YME1L1: variants seen among roughly 807,000 people sequenced by gnomAD.
YME1L1 encodes ATP-dependent zinc metalloprotease YME1L1.
In YME1L1, 39 loss-of-function variants were observed where a neutral mutation model predicts 90.4. The observed-to-expected ratio is 0.43, with a 90% CI of 0.33 to 0.56. The LOEUF (loss-of-function observed/expected upper bound fraction) is 0.56. Among genes scored for constraint, YME1L1 ranks in the 20% least tolerant of loss-of-function variants. The pLI is 0.03. For synonymous variants in YME1L1, 284 were observed against 287.3 expected, an observed-to-expected ratio of 0.99 and a Z score of 0.12; for missense variants, 617 against 868.4, an observed-to-expected ratio of 0.71 and a Z score of 3.64.
intron 7 of YME1L1, 60 bp downstream of exon 7, chr10:27,133,979 A>T: frequency 8.3e-7 from 1 of 1,200,992 alleles, no homozygotes; most frequent in East Asian, 2.4e-5. Flanking sequence ...TTAGGCATTA[A>T]AAGGAATCAT....
intron 2 of YME1L1, chr10:27,147,017 C>T: frequency 4.7e-6 from 1 of 214,178 alleles, no homozygotes; most frequent in South Asian, 1.1e-4. Flanking sequence ...TAAAAATGAT[C>T]AAGGCGGCTT....
At chr10:27,116,476 G>A (rs2056814667) in intron 15 of YME1L1, 131 bp from the exon 16 acceptor site, 3 of 884,826 alleles carry the variant, frequency 3.4e-6, no homozygotes, top group Admixed American at 2.9e-5. Flanking sequence ...AGACCAGCCT[G>A]ACCAACATGG....
chr10:27,128,794 A>G (rs1490434679), intron 8 of YME1L1, among the ~76,000 whole-genome samples: 1 of 152,084 alleles, frequency 6.6e-6, no homozygotes, highest in African/African-American at 2.4e-5. Flanking sequence ...CTGTAGTCCT[A>G]GCTACCTGAG....
chr10:27,153,075 T>C (rs2057245528), intron 1 of YME1L1, among the ~76,000 whole-genome samples: 1 of 152,232 alleles, frequency 6.6e-6, no homozygotes, highest in South Asian at 2.1e-4. Flanking sequence ...CTTATTTTTG[T>C]TCCTTCAACC....
rs2056757612 is a variant in YME1L1, at chr10:27,111,416, A to T, written c.*561T>A. The T allele has an allele frequency of 6.2e-6, 1 of 160,702 alleles. No homozygotes were observed. Among genetic ancestry groups the T allele is most frequent in the Non-Finnish European group, 1.3e-5 (1 of 74,230 alleles). The allele number at this position is 160,702 out of a possible 1,614,324, so 10.0% of individuals were successfully genotyped here. Reference sequence around the variant, plus strand: ...ACCACGTTGGCCAGGCTGGTCTCGAACTCCTGGCCTCAAGCAATCCACCCG... The same window carrying T: ...ACCACGTTGGCCAGGCTGGTCTCGATCTCCTGGCCTCAAGCAATCCACCCG... On this transcript the variant is annotated 3_prime_UTR_variant, in exon 19 of 19. Transcript: ENST00000376016.
Position 27,135,813 on chromosome 10 carries a change from G to A in YME1L1, c.540+463C>T, listed in dbSNP as rs117716448. On this transcript the variant is annotated intron_variant, in intron 5 of 18. Transcript: ENST00000376016. ...TTGATGGGTGGCAGTCTGGAGGCTG[G>A]ACTGAACGCAGCAAGACTAGAGGCA... Among the ~76,000 whole-genome samples, 240 of 152,302 alleles carry A rather than the reference G, an allele frequency of 1.6e-3. 2 individuals are homozygous for A. The highest frequency in any genetic ancestry group is 3.4e-3 in the Middle Eastern group (1 of 294).
At chr10:27,131,768 T>G (rs1361557727) in intron 8 of YME1L1, 91 bp downstream of exon 8, 1 of 947,270 alleles carries the variant, frequency 1.1e-6, no homozygotes, top group Non-Finnish European at 1.6e-6. Flanking sequence ...TTTTACCTAT[T>G]CTAGAATACA....
Position 27,111,658 on chromosome 10 carries a change from A to G in YME1L1, c.*319T>C, listed in dbSNP as rs1331257215. 2.5e-6 allele frequency: 1 copy of G among 395,944 alleles called. No homozygotes were observed. Among genetic ancestry groups the G allele is most frequent in the Non-Finnish European group, 4.8e-6 (1 of 209,702 alleles). The allele number at this position is 395,944 out of a possible 1,614,324, so 24.5% of individuals were successfully genotyped here. A position where few individuals can be genotyped will look rare whatever the true frequency, so the allele number is the denominator to read the frequency against. ...AGGCTAAAGGCACAATTTTTATCAA[A>G]TCTAGTAGAGTAACCAAACATAAAA... On this transcript the variant is annotated 3_prime_UTR_variant, in exon 19 of 19. Transcript: ENST00000376016.
intron 11 of YME1L1, 123 bp from the exon 12 acceptor site, chr10:27,121,571 C>T: frequency 1.5e-6 from 1 of 675,186 alleles, no homozygotes; most frequent in East Asian, 2.7e-5. Context: ...GTGGCCTAGG[C>T]TGAAGCGCAC....
At chr10:27,114,461 A>C in intron 18 of YME1L1, 60 bp downstream of exon 18, 1 of 1,387,730 alleles carries the variant, frequency 7.2e-7, no homozygotes, top group Non-Finnish European at 1.0e-6. Context: ...TTTTTTAAGA[A>C]CCTGACTATT....
Position 27,154,172 on chromosome 10 carries a change from G to C in YME1L1, c.33+6C>G, listed in dbSNP as rs374125777. ...GGAAAAAAAATGGGCTGAATGCCTG[G>C]CTTACCTGGGGTTGCACCGTGCTCG... is the stretch of plus-strand genomic sequence containing the variant. On this transcript the variant is annotated splice_donor_region_variant and intron_variant, in intron 1 of 18. Coordinates refer to ENST00000376016, the MANE Select transcript of YME1L1 (RefSeq NM_014263.4). 1.5e-4 allele frequency: 234 copies of C among 1,589,296 alleles called. No homozygotes were observed. Among genetic ancestry groups the C allele is most frequent in the Non-Finnish European group, 1.9e-4 (222 of 1,167,048 alleles).
intron 4 of YME1L1, among the ~76,000 whole-genome samples, chr10:27,139,601 T>G (rs553933883): frequency 5.7e-4 from 87 of 152,342 alleles, no homozygotes; most frequent in African/African-American, 2.1e-3. Context: ...ATAAAAATTA[T>G]CTGAACCTAG....
At chr10:27,114,007 ACTCTTCCCATTCTATTAC>A (rs1185038194) in intron 18 of YME1L1, among the ~76,000 whole-genome samples, 2 of 151,870 alleles carry the variant, frequency 1.3e-5, no homozygotes, top group Non-Finnish European at 2.9e-5. Context: ...AATAAACAAT[ACTCTTCCCATTCTATTAC>A]CTCTTACAGT....
chr10:27,145,533 G>C lies in YME1L1; in HGVS notation c.226C>G (p.Gln76Glu). The C allele has an allele frequency of 1.9e-6, 3 of 1,613,524 alleles. No individual in the cohort carries two copies. Among genetic ancestry groups the C allele is most frequent in the Non-Finnish European group, 2.5e-6 (3 of 1,179,654 alleles). Residue 76 changes from glutamine to glutamate, a missense_variant, in exon 3 of 19, where the codon CAG becomes GAG. Gln to Glu is a conservative substitution (Grantham distance 29). This residue lies in a region of YME1L1 where 311 missense variants were observed against 335.8 expected (regional missense o/e 0.93). Transcript: ENST00000376016. ...CCAGGAAGTAGATTTTCTACCAGCT[G>C]ATCAATCTGTCCAATTTTTAGTTCA... is the stretch of plus-strand genomic sequence containing the variant. ...LSELKIGQID[Q>E]LVENLLPGFC...
Position 27,150,613 on chromosome 10 carries a change from A to G in YME1L1, c.34-1573T>C, listed in dbSNP as rs117818456. Among the ~76,000 whole-genome samples the G allele has an allele frequency of 2.1e-3, 316 of 152,368 alleles. 2 individuals are homozygous for G. The highest frequency in any genetic ancestry group is 0.014 in the Middle Eastern group (4 of 294). On this transcript the variant is annotated intron_variant, in intron 1 of 18. Coordinates refer to ENST00000376016, the MANE Select transcript of YME1L1 (RefSeq NM_014263.4). Reference sequence around the variant, plus strand: ...TGACTTCTGCTAGTCCTCACTGCTCATTATGTGCTAATTATAATGCATTAG... The same window carrying G: ...TGACTTCTGCTAGTCCTCACTGCTCGTTATGTGCTAATTATAATGCATTAG...
chr10:27,118,207 C>T (rs1372453780), intron 14 of YME1L1, among the ~76,000 whole-genome samples: 3 of 152,188 alleles, frequency 2.0e-5, no homozygotes, highest in African/African-American at 7.2e-5. Context: ...AACTCTTAGC[C>T]TCAAGCAATC....
At chr10:27,147,322 T>C in intron 2 of YME1L1, 5 of 1,135,252 alleles carry the variant, frequency 4.4e-6, no homozygotes, top group Non-Finnish European at 6.3e-6. Context: ...AGCAAGACCC[T>C]GTCTTTACAA....
chr10:27,145,234 G>A (rs750332221), intron 3 of YME1L1, among the ~76,000 whole-genome samples, 194 bp downstream of exon 3: 29 of 148,970 alleles, frequency 1.9e-4, no homozygotes, highest in East Asian at 6.0e-4. Context: ...GCAAAATTCT[G>A]TACTATCTTT....
intron 8 of YME1L1, chr10:27,129,232 C>T (rs1470919935): frequency 1.3e-5 from 2 of 152,004 alleles, no homozygotes; most frequent in Non-Finnish European, 2.9e-5. Context: ...AAAAGGCATG[C>T]AGACCTCAAA....
Sources: gnomAD v4.1 joint callset for allele counts (sites outside exome capture counted in the v4.1 genomes callset) on GRCh38, gnomAD v4.1.1 for gene constraint, gnomAD v4.1.1 regional missense constraint, MANE v1.5 for transcripts, NCBI Gene and HGNC (gene_info 2026-07-23, HGNC 2026-07-21) for gene names.